The following UNC13C variants were observed in gnomAD, a reference collection of about 807,000 sequenced individuals.
UNC13C encodes the protein unc-13 homolog C.
Under a neutral mutation model 245.4 loss-of-function variants are expected in UNC13C, and 174 were observed. The observed-to-expected ratio is 0.71, with a 90% CI of 0.63 to 0.80. The LOEUF is 0.80. Ranked by LOEUF, UNC13C falls within the 30% of genes least tolerant of loss-of-function variation. The pLI, the probability that UNC13C is intolerant of heterozygous loss-of-function variation, is 0.00. For synonymous variants in UNC13C, 992 were observed against 895.1 expected (o/e 1.11, Z -1.93); for missense variants, 2,829 against 2,602.9 (o/e 1.09, Z -1.89).
intron 8 of UNC13C, among the ~76,000 whole-genome samples, chr15:54,261,522 G>GTTTGT (rs10582681): frequency 0.082 from 12,353 of 150,622 alleles, 587 homozygotes; most frequent in Middle Eastern, 0.14. Context: ...ATTTTTGTTT[G>GTTTGT]TTTGTTTTGT....
intron 30 of UNC13C, among the ~76,000 whole-genome samples, chr15:54,593,838 G>T (rs1033917611): frequency 6.6e-6 from 1 of 152,124 alleles, no homozygotes; most frequent in Non-Finnish European, 1.5e-5. Flanking sequence ...GTGAATCAGG[G>T]ATTTCTTCTT....
chr15:54,362,930 G>A (rs1209654488), intron 17 of UNC13C, among the ~76,000 whole-genome samples: 1 of 152,182 alleles, frequency 6.6e-6, no homozygotes, highest in African/African-American at 2.4e-5. Flanking sequence ...TGGGAAGGAT[G>A]TGTTAGGGAA....
At chr15:54,359,637 A>G (rs1489828604) in intron 17 of UNC13C, among the ~76,000 whole-genome samples, 2 of 151,804 alleles carry the variant, frequency 1.3e-5, no homozygotes, top group Non-Finnish European at 2.9e-5. Context: ...ATAATTGTTC[A>G]CAATATTATC....
At chr15:54,292,894 T>C (rs2140934780) in intron 10 of UNC13C, among the ~76,000 whole-genome samples, 1 of 148,328 alleles carries the variant, frequency 6.7e-6, no homozygotes, top group Admixed American at 6.8e-5. Context: ...TATATCTATA[T>C]TAATTATAGA....
intron 19 of UNC13C, among the ~76,000 whole-genome samples, chr15:54,417,364 C>T (rs894291587): frequency 2.0e-5 from 3 of 152,114 alleles, no homozygotes; most frequent in Admixed American, 6.5e-5. Flanking sequence ...CTTTGTGTTT[C>T]ACTGTTCTCC....
At chr15:54,062,024 G>A (rs1595792022) in intron 2 of UNC13C, among the ~76,000 whole-genome samples, 1 of 152,104 alleles carries the variant, frequency 6.6e-6, no homozygotes, top group East Asian at 1.9e-4. Flanking sequence ...TATCTCTTAA[G>A]AATCTCCATC....
At chr15:54,018,380 A>G (rs1266940413) in intron 2 of UNC13C, among the ~76,000 whole-genome samples, 5 of 152,202 alleles carry the variant, frequency 3.3e-5, no homozygotes, top group Admixed American at 1.3e-4. Flanking sequence ...ACACAGCTTT[A>G]TGGAATTATA....
At chr15:54,541,238 A>C (rs1473769944) in intron 26 of UNC13C, among the ~76,000 whole-genome samples, 7 of 152,094 alleles carry the variant, frequency 4.6e-5, no homozygotes, top group African/African-American at 1.7e-4. Flanking sequence ...TATGCCTCTC[A>C]CATGTCACAT....
chr15:54,104,430 T>G (rs1900330255), intron 2 of UNC13C, among the ~76,000 whole-genome samples: 1 of 152,150 alleles, frequency 6.6e-6, no homozygotes, highest in Non-Finnish European at 1.5e-5. Flanking sequence ...ACAAATTTCT[T>G]GATTCTTTTT....
At chr15:54,219,057 C>G (rs2035136033) in intron 4 of UNC13C, among the ~76,000 whole-genome samples, 1 of 152,008 alleles carries the variant, frequency 6.6e-6, no homozygotes. Context: ...CCATCCCCAT[C>G]AAGCTACCAA....
intron 2 of UNC13C, among the ~76,000 whole-genome samples, chr15:54,058,951 G>A (rs1203701766): frequency 1.3e-5 from 2 of 152,082 alleles, no homozygotes; most frequent in Non-Finnish European, 2.9e-5. Context: ...AGGTATTGAC[G>A]GGACGTATCT....
chr15:54,185,109 G>A (rs755784346), intron 4 of UNC13C, among the ~76,000 whole-genome samples: 12 of 152,094 alleles, frequency 7.9e-5, no homozygotes, highest in Non-Finnish European at 1.8e-4. Context: ...ACTTTTTGAC[G>A]GGGTTGTTTG....
At chr15:54,068,803 T>G (rs1307696837) in intron 2 of UNC13C, among the ~76,000 whole-genome samples, 3 of 152,212 alleles carry the variant, frequency 2.0e-5, no homozygotes, top group Non-Finnish European at 4.4e-5. Flanking sequence ...TCAGAACTTT[T>G]CTTTTTCCTC....
chr15:54,604,407 CAAAA>C (rs1566934857), intron 30 of UNC13C, among the ~76,000 whole-genome samples: 2 of 149,842 alleles, frequency 1.3e-5, no homozygotes, highest in Non-Finnish European at 3.0e-5. Context: ...AGAAAGAAAA[CAAAA>C]GAAAAACAGC....
At chr15:54,183,412 C>T (rs200224574) in intron 4 of UNC13C, among the ~76,000 whole-genome samples, 17 of 150,886 alleles carry the variant, frequency 1.1e-4, no homozygotes, top group African/African-American at 4.1e-4. Flanking sequence ...ATCTAAATAA[C>T]CAGCAAATAG....
At chr15:54,215,218 A>G (rs901199042) in intron 4 of UNC13C, among the ~76,000 whole-genome samples, 1 of 151,946 alleles carries the variant, frequency 6.6e-6, no homozygotes, top group African/African-American at 2.4e-5. Context: ...ATTGTTCCCA[A>G]GCCTACCATT....
At chr15:54,215,184 TAA>T (rs76719855) in intron 4 of UNC13C, among the ~76,000 whole-genome samples, 41,524 of 151,588 alleles carry the variant, frequency 0.27, 5,765 homozygotes, top group Middle Eastern at 0.3. Flanking sequence ...ATTGAGTTGT[TAA>T]AAGTTAATCC....
the UNC13C span, among the ~76,000 whole-genome samples, chr15:53,905,108 A>G: frequency 2.6e-5 from 4 of 152,154 alleles, no homozygotes; most frequent in African/African-American, 9.6e-5. Context: ...TTTAAAATAT[A>G]GAAGGCATGT....
chr15:54,107,863 T>C (rs1900525623), intron 2 of UNC13C, among the ~76,000 whole-genome samples: 1 of 152,174 alleles, frequency 6.6e-6, no homozygotes, highest in African/African-American at 2.4e-5. Flanking sequence ...TATAAAAACA[T>C]CCTTTGGAAA....
Sources: gnomAD v4.1 joint callset for allele counts (sites outside exome capture counted in the v4.1 genomes callset) on GRCh38, gnomAD v4.1.1 for gene constraint, MANE v1.5 for transcripts, NCBI Gene and HGNC (gene_info 2026-07-23, HGNC 2026-07-21) for gene names.